ALS2CL: variants seen among roughly 807,000 people sequenced by gnomAD.
ALS2CL encodes the protein ALS2 C-terminal like, also known as ALS2 C-terminal-like protein.
In ALS2CL, 112 loss-of-function variants were observed where a neutral mutation model predicts 127.9. The ratio of observed to expected loss-of-function variants is 0.88; its 90% CI spans 0.75 to 1.02. The LOEUF is 1.02. Among genes scored for constraint, ALS2CL ranks in the 50% least tolerant of loss-of-function variants. The pLI is 0.00. For synonymous variants in ALS2CL, 519 were observed against 527.6 expected (o/e 0.98, Z 0.22); for missense variants, 1,174 against 1,236.7 (o/e 0.95, Z 0.76).
chr3:46,689,512 G>A, intron 1 of ALS2CL, 47 bp from the exon 2 acceptor site: 2 of 1,301,488 alleles, frequency 1.5e-6, no homozygotes, highest in Non-Finnish European at 2.1e-6. Context: ...CAGGAGCAAG[G>A]CCAGTGCCCA....
chr3:46,679,062 G>A lies in ALS2CL; in HGVS notation c.1626+148C>T, dbSNP rs1204212083. ...AGAATCAATCGCAACTCTGTGGCAG[G>A]GTGGAGTTGCTGTGCCCACTCCTTG... On this transcript the variant is annotated intron_variant, in intron 15 of 25. Coordinates refer to ENST00000318962, the MANE Select transcript of ALS2CL (RefSeq NM_147129.5). 14 of 736,640 alleles carry A rather than the reference G, an allele frequency of 1.9e-5. No homozygotes were observed. In the Middle Eastern group the frequency reaches 1.3e-3, roughly 66 times the overall value. 45.6% of individuals were successfully genotyped at this position (736,640 alleles called of 1,614,324 possible). A position where few individuals can be genotyped will look rare whatever the true frequency, so the allele number is the denominator to read the frequency against.
rs552930453 is a variant in ALS2CL at position 46,686,509 on chromosome 3, G to A, written c.535-70C>T. On this transcript the variant is annotated intron_variant, in intron 5 of 25. Coordinates refer to ENST00000318962, the MANE Select transcript of ALS2CL (RefSeq NM_147129.5). The surrounding 1 kb of genome is among the most constrained non-coding windows in gnomAD (Gnocchi z 4.3). ...TCTTCCCTAGCCCAGTCCTGGTCCC[G>A]GCTGGTGGGGAGGCCTGAATCTAGG... 1,100 of 1,545,756 alleles carry A rather than the reference G, an allele frequency of 7.1e-4. 1 individual carries two copies. The highest frequency in any genetic ancestry group is 9.3e-4 in the Non-Finnish European group (1,060 of 1,144,134).
intron 7 of ALS2CL, among the ~76,000 whole-genome samples, chr3:46,685,061 G>A (rs1446717179): frequency 3.3e-5 from 5 of 152,164 alleles, no homozygotes; most frequent in Non-Finnish European, 7.3e-5. Context: ...CCACAATGCT[G>A]AAAGCCCAGG....
rs1699863370 is a variant in ALS2CL at position 46,687,275 on chromosome 3, C to G, written c.369-127G>C. The stretch of plus-strand genomic sequence containing the variant: ...CAGCCCCAGGCCCAAAACCTCTACC[C>G]TATCAGATCAACACAGTACCTGAGT... On this transcript the variant is annotated intron_variant, in intron 4 of 25. Coordinates refer to ENST00000318962, the MANE Select transcript of ALS2CL (RefSeq NM_147129.5). 5.6e-6 allele frequency: 6 copies of G among 1,071,562 alleles called. No homozygotes were observed. The East Asian group carries it at 1.6e-4, about 29-fold the overall frequency. The allele number at this position is 1,071,562 out of a possible 1,614,324, so 66.4% of individuals were successfully genotyped here.
chr3:46,676,172 G>A, intron 19 of ALS2CL, 73 bp downstream of exon 19: 1 of 1,563,980 alleles, frequency 6.4e-7, no homozygotes, highest in Admixed American at 1.9e-5. Flanking sequence ...CCAAATGCAA[G>A]GCAGAACTGA....
chr3:46,676,722 T>G lies in ALS2CL; in HGVS notation c.1948A>C (p.Ser650Arg), dbSNP rs1478772363. Residue 650 changes from serine to arginine, a missense_variant, in exon 18 of 26, where the codon AGT (serine) becomes CGT (arginine). Physicochemically the swap from Ser to Arg is moderately radical, Grantham distance 110. Coordinates refer to ENST00000318962, the MANE Select transcript of ALS2CL (RefSeq NM_147129.5). The stretch of plus-strand genomic sequence containing the variant: ...AGGATGTCTTCCATACTGCCCACAC[T>G]GTCCTCAGGGTGGGTCCTGGGCACC... ...LSCERTHPED[S>R]VGSMEDILEE... 8 of 1,613,616 alleles carry G rather than the reference T, an allele frequency of 5.0e-6. No individual in the cohort carries two copies. Among genetic ancestry groups the G allele is most frequent in the Non-Finnish European group, 6.8e-6 (8 of 1,179,944 alleles).
At position 46,671,872 on chromosome 3, in the gene ALS2CL, T is replaced by TGA; in HGVS notation, c.2684+10_2684+11dup. On this transcript the variant is annotated intron_variant, in intron 24 of 25. Transcript: ENST00000318962. Reference sequence around the variant, plus strand: ...GCCCCTGCCCTGCACCCCCAGCTCCTGACTGCCTCACCGGGCGCGCGACAC... The same window carrying TGA: ...GCCCCTGCCCTGCACCCCCAGCTCCTGAGACTGCCTCACCGGGCGCGCGACAC... 1.9e-6 allele frequency: 3 copies of TGA among 1,613,248 alleles called. No individual in the cohort carries two copies. Among genetic ancestry groups the TGA allele is most frequent in the Non-Finnish European group, 2.5e-6 (3 of 1,179,888 alleles).
At position 46,681,338 on chromosome 3, in the gene ALS2CL, C is replaced by T. The variant is rs374281426; in HGVS notation, c.1344G>A (p.Glu448=). ...EGLRHGFGVL[E]SGPQAPQPFR... Reference sequence around the variant, plus strand: ...AGGGCTGGGGGGCCTGCGGACCACTCTCAAGGACCCCAAATCCGTGCCGCA... The same window carrying T: ...AGGGCTGGGGGGCCTGCGGACCACTTTCAAGGACCCCAAATCCGTGCCGCA... Residue 448 remains glutamate (E), a synonymous_variant, in exon 13 of 26, where the codon GAG becomes GAA. Transcript: ENST00000318962. The surrounding 1 kb of genome is among the most constrained non-coding windows in gnomAD (Gnocchi z 4.9). 9 of 1,612,900 alleles carry T rather than the reference C, an allele frequency of 5.6e-6. No homozygotes were observed. In the African/African-American group the frequency reaches 9.3e-5, roughly 17 times the overall value.
At chr3:46,671,139 A>G in intron 25 of ALS2CL, 75 bp from the exon 26 acceptor site, 1 of 1,467,588 alleles carries the variant, frequency 6.8e-7, no homozygotes, top group Non-Finnish European at 9.5e-7. Context: ...CTAGGGCTCA[A>G]TAGCTGTGTG....
At position 46,674,635 on chromosome 3, in the gene ALS2CL, TAGA is replaced by T; in HGVS notation, c.2357_2359del (p.Phe786del). 6.2e-7 allele frequency: 1 copy of T among 1,614,124 alleles called. No homozygotes were observed. Among genetic ancestry groups the T allele is most frequent in the South Asian group, 1.1e-5 (1 of 91,074 alleles). The stretch of plus-strand genomic sequence containing the variant: ...GCTCAAGTTGGCAATGCCCTGGCTG[TAGA>T]AGCTGTCCTCCCGCTCATGAAGCAG... On this transcript the variant is annotated inframe_deletion, in exon 21 of 26. Coordinates refer to ENST00000318962, the MANE Select transcript of ALS2CL (RefSeq NM_147129.5).
At chr3:46,679,517 C>T (rs1042213948) in intron 14 of ALS2CL, 3 of 331,206 alleles carry the variant, frequency 9.1e-6, no homozygotes, top group East Asian at 5.6e-5. Flanking sequence ...TGACACCCTC[C>T]GCCCTGGCTC....
Position 46,677,029 on chromosome 3 carries a change from T to C in ALS2CL, c.1758-7A>G. ...GGCACCCACGCCCAGCTGCCTGCGA[T>C]GGGGATGGAGGGTGGGTGATGGGGC... On this transcript the variant is annotated splice_polypyrimidine_tract_variant and splice_region_variant and intron_variant, in intron 16 of 25. Coordinates refer to ENST00000318962, the MANE Select transcript of ALS2CL (RefSeq NM_147129.5). 2 of 1,595,162 alleles carry C rather than the reference T, an allele frequency of 1.3e-6. No individual in the cohort carries two copies. The highest frequency in any genetic ancestry group is 1.7e-6 in the Non-Finnish European group (2 of 1,171,204).
intron 1 of ALS2CL, among the ~76,000 whole-genome samples, chr3:46,690,800 G>A (rs1451095548): frequency 2.0e-5 from 3 of 152,166 alleles, no homozygotes; most frequent in Admixed American, 1.3e-4. Flanking sequence ...AAGGGTGAGT[G>A]GGAAGGGGTC....
At chr3:46,672,233 C>T (rs1483347707) in intron 22 of ALS2CL, 32 bp from the exon 23 acceptor site, 2 of 1,612,202 alleles carry the variant, frequency 1.2e-6, no homozygotes, top group Non-Finnish European at 1.7e-6. Context: ...CTGGATGAGG[C>T]CATGGCCCCC....
Position 46,676,912 on chromosome 3 carries a change from A to T in ALS2CL, c.1868T>A (p.Leu623Gln). 1 of 1,612,424 alleles carries T rather than the reference A, an allele frequency of 6.2e-7. No individual in the cohort carries two copies. Among genetic ancestry groups the T allele is most frequent in the Non-Finnish European group, 8.5e-7 (1 of 1,179,410 alleles). The change falls in exon 17 of 26, where the codon CTG becomes CAG. Residue 623 changes from leucine (L) to glutamine (Q), a missense_variant. By Grantham distance (113) the Leu-to-Gln change is moderately radical. Coordinates refer to ENST00000318962, the MANE Select transcript of ALS2CL (RefSeq NM_147129.5). ...GCPRDLQEAL[L>Q]GFDVQSSREL... ...CCTGGAGCTCTGCACGTCGAAGCCC[A>T]GCAGGGCCTCCTGCAGGTCCCTGGG... is the stretch of plus-strand genomic sequence containing the variant.
At position 46,675,615 on chromosome 3, in the gene ALS2CL, C is replaced by T; in HGVS notation, c.2255+3G>A. On this transcript the variant is annotated splice_donor_region_variant and intron_variant, in intron 20 of 25. Transcript: ENST00000318962. ...AGGCCCCAAGGAGACCTGCGCCAGT[C>T]ACCTTGTCTCTGTGTCTTCATCCTC... The T allele has an allele frequency of 6.2e-7, 1 of 1,613,692 alleles. No individual in the cohort carries two copies. Among genetic ancestry groups the T allele is most frequent in the Non-Finnish European group, 8.5e-7 (1 of 1,179,940 alleles).
intron 21 of ALS2CL, 31 bp downstream of exon 21, chr3:46,674,535 C>T: frequency 6.3e-7 from 1 of 1,594,564 alleles, no homozygotes; most frequent in African/African-American, 1.3e-5. Flanking sequence ...TGAGTCCTGG[C>T]TAACACGGCA....
intron 16 of ALS2CL, 128 bp from the exon 17 acceptor site, chr3:46,677,150 G>A: frequency 1.4e-6 from 2 of 1,467,940 alleles, no homozygotes; most frequent in Non-Finnish European, 1.8e-6. Context: ...AAGAAGGGTG[G>A]ATGGATTGAA....
Position 46,686,922 on chromosome 3 carries a change from G to C in ALS2CL, c.534+61C>G. The C allele has an allele frequency of 6.8e-7, 1 of 1,479,034 alleles. No homozygotes were observed. The highest frequency in any genetic ancestry group is 9.0e-7 in the Non-Finnish European group (1 of 1,115,396). The allele number at this position is 1,479,034 out of a possible 1,614,324, so 91.6% of individuals were successfully genotyped here. ...CCTGAGTATAGGCTGAGCCCCCTGA[G>C]TCTGGGCCCTATCCCTCCCTTCCCT... On this transcript the variant is annotated intron_variant, in intron 5 of 25. Transcript: ENST00000318962. The surrounding 1 kb of genome is among the most constrained non-coding windows in gnomAD (Gnocchi z 4.3).
Sources: allele counts gnomAD v4.1 joint callset (sites outside exome capture counted in the v4.1 genomes callset), GRCh38; gene constraint gnomAD v4.1.1; non-coding constraint Gnocchi (gnomAD v3.1); transcripts MANE v1.5; gene names NCBI Gene and HGNC (gene_info 2026-07-23, HGNC 2026-07-21).